DYM: variants seen among roughly 807,000 people sequenced by gnomAD.
The protein encoded by DYM is dymeclin.
Under a neutral mutation model 93.1 loss-of-function variants are expected in DYM, and 78 were observed. The observed-to-expected ratio is 0.84, with a 90% CI of 0.70 to 1.01. The LOEUF (loss-of-function observed/expected upper bound fraction) is 1.01, where lower values mean the gene tolerates loss of function less well. Among genes scored for constraint, DYM ranks in the 50% least tolerant of loss-of-function variants. DYM has a pLI of 0.00. For synonymous variants in DYM, 321 were observed against 319.7 expected, an observed-to-expected ratio of 1.00 and a Z score of -0.04; for missense variants, 789 against 845.0, an observed-to-expected ratio of 0.93 and a Z score of 0.82.
chr18:49,217,537 C>T (rs958695224), intron 13 of DYM, among the ~76,000 whole-genome samples: 2 of 152,200 alleles, frequency 1.3e-5, no homozygotes, highest in African/African-American at 4.8e-5. Context: ...GGAAGCCCAT[C>T]AGACTAACAG....
intron 16 of DYM, among the ~76,000 whole-genome samples, chr18:49,116,818 A>T (rs774109632): frequency 3.0e-4 from 46 of 152,218 alleles, no homozygotes; most frequent in Non-Finnish European, 5.3e-4. Context: ...ATAAAAGAAG[A>T]CGGAGTTAAC....
At chr18:49,069,920 A>G (rs1190882583) in intron 17 of DYM, among the ~76,000 whole-genome samples, 1 of 152,230 alleles carries the variant, frequency 6.6e-6, no homozygotes, top group African/African-American at 2.4e-5. Flanking sequence ...GCATGCCCGT[A>G]ATCCCAGCTA....
chr18:49,304,478 A>C (rs907029169), intron 8 of DYM, among the ~76,000 whole-genome samples: 5 of 152,180 alleles, frequency 3.3e-5, no homozygotes, highest in African/African-American at 1.2e-4. Context: ...TCATTAGGAA[A>C]AAACCTTCTA....
intron 17 of DYM, among the ~76,000 whole-genome samples, chr18:49,063,849 G>T (rs1349333141): frequency 6.6e-6 from 1 of 151,994 alleles, no homozygotes; most frequent in Non-Finnish European, 1.5e-5. Context: ...GGCTGGTCTT[G>T]AACGCCTGGC....
At chr18:49,359,073 A>G (rs7506861) in intron 6 of DYM, among the ~76,000 whole-genome samples, 79,891 of 151,874 alleles carry the variant, frequency 0.53, 23,199 homozygotes, top group Non-Finnish European at 0.66. Context: ...AGTGTCACAA[A>G]TTCCGAGCGC....
intron 1 of DYM, among the ~76,000 whole-genome samples, chr18:49,441,074 ATAT>A (rs1238838572): frequency 2.5e-4 from 2 of 7,994 alleles, no homozygotes; most frequent in Non-Finnish European, 5.1e-4. Context: ...TTATATATAA[ATAT>A]TATATTATAT....
At chr18:49,404,473 T>C (rs2148090096) in intron 2 of DYM, among the ~76,000 whole-genome samples, 1 of 152,358 alleles carries the variant, frequency 6.6e-6, no homozygotes, top group East Asian at 1.9e-4. Flanking sequence ...AATCCTGTTT[T>C]AAGTTCTTTG....
In DYM at chr18:49,037,911, ACC is replaced by A. The variant is rs1449222213; in HGVS notation, c.*6142_*6143del. 2.0e-5 allele frequency among the ~76,000 whole-genome samples: 3 copies of A among 152,120 alleles called. No homozygotes were observed. The highest frequency in any genetic ancestry group is 7.2e-5 in the African/African-American group (3 of 41,408). ...GCAATTATAGCTCACTGCAGCCTCGACCTCCTGGGCACAAGTGATTCTCCTGC... is the reference window on the plus strand; with the variant it reads ...GCAATTATAGCTCACTGCAGCCTCGATCCTGGGCACAAGTGATTCTCCTGC... On this transcript the variant is annotated 3_prime_UTR_variant, in exon 18 of 18. Coordinates refer to ENST00000675505, the MANE Select transcript of DYM (RefSeq NM_001353214.3).
intron 17 of DYM, among the ~76,000 whole-genome samples, chr18:49,046,777 G>A (rs1265343897): frequency 6.6e-6 from 1 of 152,060 alleles, no homozygotes; most frequent in Non-Finnish European, 1.5e-5. Flanking sequence ...GCGCATGTCT[G>A]TAGCTACTCA....
At chr18:49,151,541 CCT>C (rs2085817513) in intron 15 of DYM, among the ~76,000 whole-genome samples, 1 of 152,116 alleles carries the variant, frequency 6.6e-6, no homozygotes, top group African/African-American at 2.4e-5. Context: ...TTCATTTAAG[CCT>C]CTTTTGTAAT....
Position 49,258,500 on chromosome 18 carries a change from T to C in DYM, c.1252-7A>G, listed in dbSNP as rs1427995996. On this transcript the variant is annotated splice_region_variant and splice_polypyrimidine_tract_variant and intron_variant, in intron 11 of 17. Coordinates refer to ENST00000675505, the MANE Select transcript of DYM (RefSeq NM_001353214.3). ...AAGTAATATTTTTTAGTATCTGTAATGGGGAAGAAAAGTTTAAGTAAAAAA... is the reference window on the plus strand; with the variant it reads ...AAGTAATATTTTTTAGTATCTGTAACGGGGAAGAAAAGTTTAAGTAAAAAA... 2.0e-6 allele frequency: 3 copies of C among 1,519,056 alleles called. No individual in the cohort carries two copies. The highest frequency in any genetic ancestry group is 1.8e-6 in the Non-Finnish European group (2 of 1,094,062). The allele number at this position is 1,519,056 out of a possible 1,614,324, so 94.1% of individuals were successfully genotyped here. A position where few individuals can be genotyped will look rare whatever the true frequency, so the allele number is the denominator to read the frequency against.
At chr18:49,203,894 A>AG (rs1445462108) in intron 14 of DYM, among the ~76,000 whole-genome samples, 5 of 141,244 alleles carry the variant, frequency 3.5e-5, no homozygotes, top group African/African-American at 1.3e-4. Flanking sequence ...AAAAAAAAAA[A>AG]AAAACAACTC....
intron 17 of DYM, among the ~76,000 whole-genome samples, chr18:49,051,231 C>T (rs1376858427): frequency 6.6e-6 from 1 of 152,208 alleles, no homozygotes; most frequent in East Asian, 1.9e-4. Context: ...TCCTAACCAA[C>T]AACTCACTTA....
chr18:49,168,926 C>T (rs1600298921), intron 14 of DYM, among the ~76,000 whole-genome samples: 4 of 151,972 alleles, frequency 2.6e-5, no homozygotes, highest in Admixed American at 2.0e-4. Flanking sequence ...CAAGGAAATA[C>T]CCATAACTTA....
chr18:49,084,505 T>C (rs1433357809), intron 17 of DYM, among the ~76,000 whole-genome samples: 1 of 152,216 alleles, frequency 6.6e-6, no homozygotes, highest in Non-Finnish European at 1.5e-5. Flanking sequence ...CCTATATTCT[T>C]GCTGTCTTTC....
chr18:49,236,471 C>A (rs1283269211), intron 13 of DYM, among the ~76,000 whole-genome samples: 3 of 126,510 alleles, frequency 2.4e-5, no homozygotes, highest in Non-Finnish European at 3.5e-5. Context: ...CAGAGCGAGA[C>A]TCTGTCTCAA....
At chr18:49,211,917 G>A (rs2092803961) in intron 13 of DYM, among the ~76,000 whole-genome samples, 1 of 152,274 alleles carries the variant, frequency 6.6e-6, no homozygotes, top group East Asian at 1.9e-4. Context: ...CCAAAAGAGA[G>A]CAAAAACTTA....
At chr18:49,238,592 C>T (rs1283605070) in intron 13 of DYM, among the ~76,000 whole-genome samples, 1 of 151,878 alleles carries the variant, frequency 6.6e-6, no homozygotes, top group Non-Finnish European at 1.5e-5. Flanking sequence ...AAAATGTTTG[C>T]TTAAAAAAAT....
chr18:49,049,250 T>C (rs1288054177), intron 17 of DYM, among the ~76,000 whole-genome samples: 1 of 152,224 alleles, frequency 6.6e-6, no homozygotes, highest in Non-Finnish European at 1.5e-5. Flanking sequence ...ACTCATTTCA[T>C]CTTTGAAACA....
Sources: gnomAD v4.1 joint callset for allele counts (sites outside exome capture counted in the v4.1 genomes callset) on GRCh38, gnomAD v4.1.1 for gene constraint, MANE v1.5 for transcripts, NCBI Gene and HGNC (gene_info 2026-07-23, HGNC 2026-07-21) for gene names.